Variants in IL1RAPL1 observed in about 807,000 individuals in gnomAD.
IL1RAPL1 encodes the protein interleukin 1 receptor accessory protein like 1.
IL1RAPL1 carries 3 observed loss-of-function variants against 48.4 expected under a neutral mutation model. The observed-to-expected ratio is 0.06, with a 90% CI of 0.03 to 0.16. IL1RAPL1 has a LOEUF of 0.16. Ranked by LOEUF, IL1RAPL1 falls within the 10% of genes least tolerant of loss-of-function variation. The pLI, the probability that IL1RAPL1 is intolerant of heterozygous loss-of-function variation, is 1.00. For synonymous variants in IL1RAPL1, 185 were observed against 187.7 expected, an observed-to-expected ratio of 0.99 and a Z score of 0.12; for missense variants, 349 against 530.6, an observed-to-expected ratio of 0.66 and a Z score of 3.36.
chrX:28,875,249 T>C (rs62587526), intron 2 of IL1RAPL1, among the ~76,000 whole-genome samples: 5,792 of 111,797 alleles, frequency 0.052, 196 homozygotes, highest in African/African-American at 0.11. Context: ...CATTGACTTT[T>C]AGATTATGGA....
intron 5 of IL1RAPL1, among the ~76,000 whole-genome samples, chrX:29,505,806 T>G: frequency 8.9e-6 from 1 of 112,397 alleles, no homozygotes; most frequent in Non-Finnish European, 1.9e-5. Flanking sequence ...AGTTTTCTGT[T>G]ATTATTTCTT....
chrX:29,711,778 A>T (rs1222960254), intron 6 of IL1RAPL1, among the ~76,000 whole-genome samples: 1 of 111,652 alleles, frequency 9.0e-6, no homozygotes, highest in Non-Finnish European at 1.9e-5. Flanking sequence ...TGTTGTGTTT[A>T]ATGATGTCTG....
intron 5 of IL1RAPL1, among the ~76,000 whole-genome samples, chrX:29,541,613 A>C (rs935180089): frequency 4.5e-5 from 5 of 111,986 alleles, no homozygotes; most frequent in African/African-American, 1.6e-4. Flanking sequence ...CCATAAAAAG[A>C]ATTAAATGTT....
At chrX:29,884,950 A>G (rs1415892629) in intron 6 of IL1RAPL1, among the ~76,000 whole-genome samples, 1 of 111,839 alleles carries the variant, frequency 8.9e-6, no homozygotes, top group Non-Finnish European at 1.9e-5. Flanking sequence ...GGCACTTACC[A>G]CAGTTTGTTG....
chrX:29,627,806 A>AG (rs1191344712), intron 5 of IL1RAPL1, among the ~76,000 whole-genome samples: 1 of 112,305 alleles, frequency 8.9e-6, no homozygotes, highest in Non-Finnish European at 1.9e-5. Flanking sequence ...AGATACACTT[A>AG]GGGGAGCAGC....
At chrX:28,755,278 G>A (rs769689789) in intron 1 of IL1RAPL1, among the ~76,000 whole-genome samples, 1 of 112,316 alleles carries the variant, frequency 8.9e-6, no homozygotes, top group Non-Finnish European at 1.9e-5. Flanking sequence ...TTATAGGCAT[G>A]AGCCACCACA....
chrX:29,680,496 C>G (rs1926419582), intron 6 of IL1RAPL1, among the ~76,000 whole-genome samples: 1 of 110,714 alleles, frequency 9.0e-6, no homozygotes, highest in African/African-American at 3.3e-5. Flanking sequence ...TTGTGTGTCT[C>G]TCTCTCCTGT....
intron 5 of IL1RAPL1, among the ~76,000 whole-genome samples, chrX:29,504,083 C>T (rs1435011395): frequency 9.1e-6 from 1 of 109,470 alleles, no homozygotes; most frequent in Non-Finnish European, 1.9e-5. Flanking sequence ...GCCTCAGTCT[C>T]CTGAGTTGCT....
chrX:28,643,363 A>C (rs758510518), intron 1 of IL1RAPL1, among the ~76,000 whole-genome samples: 8 of 111,192 alleles, frequency 7.2e-5, no homozygotes, highest in Non-Finnish European at 1.5e-4. Flanking sequence ...AGTGGTTAAG[A>C]GAGGACTTTT....
intron 2 of IL1RAPL1, among the ~76,000 whole-genome samples, chrX:28,952,670 G>A (rs952919043): frequency 5.4e-5 from 6 of 110,852 alleles, no homozygotes; most frequent in Admixed American, 2.9e-4. Flanking sequence ...TATTTGACTC[G>A]AAGAAAACAA....
intron 5 of IL1RAPL1, among the ~76,000 whole-genome samples, chrX:29,485,177 G>C (rs1935083703): frequency 8.9e-6 from 1 of 111,823 alleles, no homozygotes; most frequent in Non-Finnish European, 1.9e-5. Flanking sequence ...ACCAAAATGA[G>C]CTGCAGAAGT....
At chrX:29,787,152 G>A (rs760214767) in intron 6 of IL1RAPL1, among the ~76,000 whole-genome samples, 37 of 111,709 alleles carry the variant, frequency 3.3e-4, no homozygotes, top group Non-Finnish European at 5.6e-4. Context: ...AGAAACCTGG[G>A]AGAGGAGCCT....
At chrX:28,816,637 C>T (rs958161672) in intron 2 of IL1RAPL1, among the ~76,000 whole-genome samples, 10 of 110,937 alleles carry the variant, frequency 9.0e-5, no homozygotes, top group Non-Finnish European at 1.5e-4. Context: ...TTATCCAATC[C>T]ACCATTGATG....
At chrX:29,209,544 C>A (rs933444504) in intron 2 of IL1RAPL1, among the ~76,000 whole-genome samples, 6 of 111,774 alleles carry the variant, frequency 5.4e-5, no homozygotes, top group African/African-American at 2.0e-4. Context: ...TGCCAGGCAG[C>A]CCCTTGGCTA....
intron 6 of IL1RAPL1, among the ~76,000 whole-genome samples, chrX:29,810,123 A>C (rs1236140272): frequency 4.5e-5 from 5 of 111,003 alleles, no homozygotes; most frequent in Non-Finnish European, 9.4e-5. Flanking sequence ...GTTTAATTAC[A>C]TATGATTTCA....
chrX:29,636,752 G>A (rs1212357600), intron 5 of IL1RAPL1, among the ~76,000 whole-genome samples: 4 of 111,592 alleles, frequency 3.6e-5, no homozygotes, highest in African/African-American at 1.3e-4. Context: ...AAAAAATTAG[G>A]AACAGGCTGG....
At chrX:29,773,464 T>C (rs1030611739) in intron 6 of IL1RAPL1, among the ~76,000 whole-genome samples, 1 of 112,588 alleles carries the variant, frequency 8.9e-6, no homozygotes, top group Non-Finnish European at 1.9e-5. Context: ...CATTTAGATT[T>C]AGAGATTAAG....
chrX:29,886,536 C>T (rs1238626714), intron 6 of IL1RAPL1, among the ~76,000 whole-genome samples: 1 of 112,266 alleles, frequency 8.9e-6, no homozygotes, highest in African/African-American at 3.2e-5. Context: ...ATTATTGATA[C>T]TCATTCAGAA....
chrX:29,686,637 A>C (rs1177414830), intron 6 of IL1RAPL1, among the ~76,000 whole-genome samples: 1 of 108,330 alleles, frequency 9.2e-6, no homozygotes, highest in African/African-American at 3.4e-5. Context: ...AGCTCACTGC[A>C]AGCTCCGCCT....
Sources: gnomAD v4.1 joint callset for allele counts (sites outside exome capture counted in the v4.1 genomes callset) on GRCh38, gnomAD v4.1.1 for gene constraint, MANE v1.5 for transcripts, NCBI Gene and HGNC (gene_info 2026-07-23, HGNC 2026-07-21) for gene names.